Variants in FAM131A observed in about 807,000 individuals in gnomAD.
The protein encoded by FAM131A is family with sequence similarity 131 member A, also known as protein FAM131A.
Under a neutral mutation model 39.2 loss-of-function variants are expected in FAM131A, and 24 were observed. That is an observed-to-expected ratio of 0.61 (90% CI 0.44 to 0.86). FAM131A has a LOEUF of 0.86. FAM131A is among the 40% of genes least tolerant of loss of function. The pLI is 0.00. For synonymous variants in FAM131A, 202 were observed against 206.8 expected (o/e 0.98, Z 0.20); for missense variants, 373 against 481.2 (o/e 0.78, Z 2.10).
intron 5 of FAM131A, among the ~76,000 whole-genome samples, chr3:184,343,993 C>CTT (rs3064290): frequency 0.81 from 122,530 of 150,988 alleles, 50,461 homozygotes; most frequent in African/African-American, 0.96. Flanking sequence ...GTGTGCCAGA[C>CTT]TTTTTTTTTG....
intron 2 of FAM131A, 103 bp from the exon 3 acceptor site, chr3:184,341,621 C>T: frequency 1.1e-6 from 1 of 899,386 alleles, no homozygotes; most frequent in East Asian, 2.6e-5. Flanking sequence ...GGTGTTCCTT[C>T]CTAGCTCCTG....
chr3:184,338,659 G>T, intron 2 of FAM131A, 130 bp downstream of exon 2: 1 of 1,273,402 alleles, frequency 7.9e-7, no homozygotes, highest in South Asian at 1.5e-5. Context: ...ATCCGGCGGC[G>T]GGCCGGGAGG....
intron 1 of FAM131A, 54 bp from the exon 2 acceptor site, chr3:184,338,333 G>T: frequency 7.2e-7 from 1 of 1,397,598 alleles, no homozygotes; most frequent in South Asian, 1.6e-5. Flanking sequence ...GATGAAAATG[G>T]GGATCTCTGC....
chr3:184,343,718 G>A (rs1368051985), intron 5 of FAM131A, among the ~76,000 whole-genome samples: 1 of 152,248 alleles, frequency 6.6e-6, no homozygotes, highest in Non-Finnish European at 1.5e-5. Flanking sequence ...TGAGTTCCAG[G>A]CCTACTTTGA....
Position 184,342,991 on chromosome 3 carries a change from C to T in FAM131A, c.625+131C>T. 1 of 733,522 alleles carries T rather than the reference C, an allele frequency of 1.4e-6. No homozygotes were observed. Among genetic ancestry groups the T allele is most frequent in the Non-Finnish European group, 2.3e-6 (1 of 428,138 alleles). 45.4% of individuals were successfully genotyped at this position (733,522 alleles called of 1,614,324 possible). A position where few individuals can be genotyped will look rare whatever the true frequency, so the allele number is the denominator to read the frequency against. On this transcript the variant is annotated intron_variant, in intron 5 of 5. Transcript: ENST00000383847. The surrounding 1 kb of genome is among the most constrained non-coding windows in gnomAD (Gnocchi z 4.6). ...AGGGACAGACTCAGTCCAGGCAGGC[C>T]TGGACACTCCAGGGACAGGAAGGCT...
At chr3:184,336,605 G>A (rs1727116390), upstream of FAM131A, among the ~76,000 whole-genome samples, 1 of 152,212 alleles carries the variant, frequency 6.6e-6, no homozygotes, top group South Asian at 2.1e-4. This position sits in a 1 kb window ranked among gnomAD's most constrained non-coding sequence, Gnocchi z 5.5. Context: ...TCCTGGCTAA[G>A]CACCCTACCA....
At position 184,342,888 on chromosome 3, in the gene FAM131A, G is replaced by A; in HGVS notation, c.625+28G>A. 3 of 1,576,398 alleles carry A rather than the reference G, an allele frequency of 1.9e-6. No individual in the cohort carries two copies. The highest frequency in any genetic ancestry group is 2.6e-6 in the Non-Finnish European group (3 of 1,147,000). On this transcript the variant is annotated intron_variant, in intron 5 of 5. Coordinates refer to ENST00000383847, the MANE Select transcript of FAM131A (RefSeq NM_144635.5). The surrounding 1 kb of genome is among the most constrained non-coding windows in gnomAD (Gnocchi z 4.6). The stretch of plus-strand genomic sequence containing the variant: ...GAGGGACATCCTGGGCTAGGGCTGT[G>A]GTGGACCCACCTGATAGACCTTGGC...
upstream of FAM131A, among the ~76,000 whole-genome samples, chr3:184,336,869 C>T (rs995954304): frequency 1.3e-5 from 2 of 152,232 alleles, no homozygotes; most frequent in Non-Finnish European, 2.9e-5. This position sits in a 1 kb window ranked among gnomAD's most constrained non-coding sequence, Gnocchi z 5.5. Context: ...TGGCCATGCA[C>T]ACCGGGCCTG....
intron 2 of FAM131A, chr3:184,341,462 T>C (rs754229678): frequency 6.8e-5 from 37 of 541,832 alleles, no homozygotes; most frequent in Non-Finnish European, 1.2e-4. Context: ...CCTGCCTCCA[T>C]CTCCTCTGGG....
At chr3:184,344,436 C>T (rs1727527584) in intron 5 of FAM131A, 59 bp from the exon 6 acceptor site, 1 of 1,468,758 alleles carries the variant, frequency 6.8e-7, no homozygotes, top group Admixed American at 2.3e-5. Flanking sequence ...ATGTGGCTTC[C>T]AGGTTGTCCA....
chr3:184,337,275 T>C (rs1727162288), upstream of FAM131A: 1 of 226,610 alleles, frequency 4.4e-6, no homozygotes, highest in South Asian at 6.8e-5. Flanking sequence ...GGGCCAGGGA[T>C]GGCCTGTAAC....
rs746314462 is a variant in FAM131A at position 184,342,896 on chromosome 3, C to T, written c.625+36C>T. ...TCCTGGGCTAGGGCTGTGGTGGACC[C>T]ACCTGATAGACCTTGGCATTCTTTC... On this transcript the variant is annotated intron_variant, in intron 5 of 5. Coordinates refer to ENST00000383847, the MANE Select transcript of FAM131A (RefSeq NM_144635.5). This position sits in a 1 kb window ranked among gnomAD's most constrained non-coding sequence, Gnocchi z 4.6. The T allele has an allele frequency of 3.2e-6, 5 of 1,545,826 alleles. No individual in the cohort carries two copies. Among genetic ancestry groups the T allele is most frequent in the Non-Finnish European group, 4.5e-6 (5 of 1,119,494 alleles).
chr3:184,338,751 C>T lies in FAM131A; in HGVS notation c.231+222C>T. On this transcript the variant is annotated intron_variant, in intron 2 of 5. Transcript: ENST00000383847. The stretch of plus-strand genomic sequence containing the variant: ...GCCTTCCGCGCTGACGTCAGCGCAT[C>T]CCGGGCCGTATCCCGGGAGACCCTG... 5.7e-6 allele frequency: 3 copies of T among 523,090 alleles called. No individual in the cohort carries two copies. The South Asian group carries it at 7.4e-5, about 13-fold the overall frequency. 32.4% of individuals were successfully genotyped at this position (523,090 alleles called of 1,614,324 possible).
intron 2 of FAM131A, 169 bp downstream of exon 2, chr3:184,338,698 G>A (rs1233180645): frequency 1.2e-6 from 1 of 803,504 alleles, no homozygotes; most frequent in South Asian, 1.9e-5. Flanking sequence ...GCTCTGCTCG[G>A]CGCTGTGCCA....
chr3:184,340,647 T>G (rs1277356126), intron 2 of FAM131A: 1 of 152,196 alleles, frequency 6.6e-6, no homozygotes, highest in Admixed American at 6.6e-5. Context: ...TTTTAAGAAA[T>G]TATTCTGTAT....
chr3:184,345,135 G>A lies in FAM131A; in HGVS notation c.*165G>A. The A allele has an allele frequency of 5.4e-6, 4 of 737,960 alleles. No homozygotes were observed. In the South Asian group the frequency reaches 6.0e-5, roughly 11 times the overall value. The allele number at this position is 737,960 out of a possible 1,614,324, so 45.7% of individuals were successfully genotyped here. A position where few individuals can be genotyped will look rare whatever the true frequency, so the allele number is the denominator to read the frequency against. ...TGTTTTGCATGAAAGTGTTTGGAGA[G>A]GAGGCAGGGGCTGGGCTGGGGGCGC... On this transcript the variant is annotated 3_prime_UTR_variant, in exon 6 of 6. Transcript: ENST00000383847.
chr3:184,345,091 C>A lies in FAM131A; in HGVS notation c.*121C>A. On this transcript the variant is annotated 3_prime_UTR_variant, in exon 6 of 6. Coordinates refer to ENST00000383847, the MANE Select transcript of FAM131A (RefSeq NM_144635.5). ...CCACAGCCTAGAGGGCTCCTGGGAG[C>A]GCTCGCTTCTCCGTTGTGTGTTTTG... 1.1e-6 allele frequency: 1 copy of A among 943,646 alleles called. No homozygotes were observed. Among genetic ancestry groups the A allele is most frequent in the Non-Finnish European group, 1.5e-6 (1 of 654,104 alleles). The allele number at this position is 943,646 out of a possible 1,614,324, so 58.5% of individuals were successfully genotyped here. A position where few individuals can be genotyped will look rare whatever the true frequency, so the allele number is the denominator to read the frequency against.
intron 1 of FAM131A, 133 bp from the exon 2 acceptor site, chr3:184,338,244 TAGAGTTGAGG>T: frequency 1.2e-6 from 1 of 849,084 alleles, no homozygotes; most frequent in South Asian, 2.7e-5. Context: ...TGGGGGCTTT[TAGAGTTGAGG>T]AGAGCACTCA....
Position 184,344,823 on chromosome 3 carries a change from G to T in FAM131A, c.954G>T (p.Ala318=), listed in dbSNP as rs756881641. The change falls in exon 6 of 6, where the codon GCG becomes GCT. Residue 318 remains alanine (A), a synonymous_variant. Transcript: ENST00000383847. ...TCACAGAGTCCTGCCTTTCCCCCGC[G>T]GAGGAGGAGCCAGCCCCCTGCAAGG... ...SPLTESCLSP[A]EEEPAPCKDC... The T allele has an allele frequency of 1.2e-6, 2 of 1,611,814 alleles. No homozygotes were observed. Among genetic ancestry groups the T allele is most frequent in the African/African-American group, 2.7e-5 (2 of 74,936 alleles).
Sources: allele counts gnomAD v4.1 joint callset (sites outside exome capture counted in the v4.1 genomes callset), GRCh38; gene constraint gnomAD v4.1.1; non-coding constraint Gnocchi (gnomAD v3.1); transcripts MANE v1.5; gene names NCBI Gene and HGNC (gene_info 2026-07-23, HGNC 2026-07-21).